Variants in CNTNAP2 observed in about 807,000 individuals in gnomAD.
CNTNAP2 encodes contactin-associated protein-like 2.
CNTNAP2 carries 98 observed loss-of-function variants against 155.2 expected under a neutral mutation model. The observed-to-expected ratio is 0.63, with a 90% confidence interval of 0.54 to 0.75. The LOEUF (loss-of-function observed/expected upper bound fraction) is 0.75. Among genes scored for constraint, CNTNAP2 ranks in the 30% least tolerant of loss-of-function variants. CNTNAP2 has a pLI of 0.00. For missense variants in CNTNAP2, 1,727 were observed against 1,688.1 expected (o/e 1.02, Z -0.40); for synonymous variants, 651 against 631.2 (o/e 1.03, Z -0.47).
At chr7:147,638,839 A>C (rs568952507) in intron 12 of CNTNAP2, 2 of 572,548 alleles carry the variant, frequency 3.5e-6, no homozygotes, top group East Asian at 3.6e-5. Flanking sequence ...AAGATACAAA[A>C]GCTTTTTTTT....
chr7:146,906,987 G>C (rs146343733), intron 3 of CNTNAP2, among the ~76,000 whole-genome samples: 162 of 148,344 alleles, frequency 1.1e-3, no homozygotes, highest in African/African-American at 3.9e-3. Context: ...ACCAAGGCTC[G>C]AGAACTACGT....
intron 1 of CNTNAP2, among the ~76,000 whole-genome samples, chr7:146,678,412 A>G (rs1365341757): frequency 6.6e-6 from 1 of 152,164 alleles, no homozygotes; most frequent in Non-Finnish European, 1.5e-5. Flanking sequence ...GATATTTATA[A>G]TTTTCAAATG....
chr7:147,267,255 G>T (rs1804633337), intron 8 of CNTNAP2, among the ~76,000 whole-genome samples: 1 of 152,092 alleles, frequency 6.6e-6, no homozygotes, highest in Non-Finnish European at 1.5e-5. Flanking sequence ...TATCTGCATT[G>T]CATAGCCCTG....
At chr7:146,189,527 C>A (rs1441220344) in intron 1 of CNTNAP2, among the ~76,000 whole-genome samples, 1 of 152,098 alleles carries the variant, frequency 6.6e-6, no homozygotes, top group Non-Finnish European at 1.5e-5. Flanking sequence ...ACTAATGGGG[C>A]ATCTTAGAGA....
chr7:147,247,037 T>G (rs1319624203), intron 8 of CNTNAP2, among the ~76,000 whole-genome samples: 1 of 152,214 alleles, frequency 6.6e-6, no homozygotes, highest in Non-Finnish European at 1.5e-5. Flanking sequence ...AGTCTCTACT[T>G]CAGTCCCTGT....
chr7:146,379,764 T>C (rs1006816281), intron 1 of CNTNAP2, among the ~76,000 whole-genome samples: 2 of 152,192 alleles, frequency 1.3e-5, no homozygotes, highest in Non-Finnish European at 2.9e-5. Flanking sequence ...TTGGGATTCT[T>C]CTTTCTATAG....
intron 21 of CNTNAP2, among the ~76,000 whole-genome samples, chr7:148,367,829 T>C (rs1798813838): frequency 6.6e-6 from 1 of 152,094 alleles, no homozygotes; most frequent in Admixed American, 6.6e-5. Flanking sequence ...GAAAATGTAT[T>C]TTCTTCGAGG....
chr7:147,930,408 G>A (rs948864780), intron 14 of CNTNAP2, among the ~76,000 whole-genome samples: 5 of 152,078 alleles, frequency 3.3e-5, no homozygotes, highest in African/African-American at 7.2e-5. Flanking sequence ...TATGCAAATG[G>A]CAACCAAAAG....
intron 3 of CNTNAP2, among the ~76,000 whole-genome samples, chr7:146,881,702 AC>A (rs1476519731): frequency 6.7e-6 from 1 of 149,876 alleles, no homozygotes; most frequent in Non-Finnish European, 1.5e-5. Context: ...TACAAGTTTT[AC>A]CCCCAAGAGT....
chr7:147,521,500 C>T (rs372902273), intron 11 of CNTNAP2, among the ~76,000 whole-genome samples: 2 of 152,186 alleles, frequency 1.3e-5, no homozygotes, highest in Non-Finnish European at 2.9e-5. Context: ...AATCCCATTC[C>T]GTGGAAGTCT....
At chr7:146,737,593 A>G (rs965312912) in intron 1 of CNTNAP2, among the ~76,000 whole-genome samples, 8 of 152,108 alleles carry the variant, frequency 5.3e-5, no homozygotes, top group African/African-American at 1.7e-4. Flanking sequence ...TACGCTTATA[A>G]CTTATGTGTA....
intron 1 of CNTNAP2, among the ~76,000 whole-genome samples, chr7:146,261,891 T>G (rs909593231): frequency 1.3e-5 from 2 of 152,184 alleles, no homozygotes; most frequent in Admixed American, 6.5e-5. Context: ...AAACCAATGA[T>G]TCTATGGATA....
intron 1 of CNTNAP2, among the ~76,000 whole-genome samples, chr7:146,731,711 T>C (rs1461386298): frequency 6.6e-6 from 1 of 152,182 alleles, no homozygotes; most frequent in African/African-American, 2.4e-5. Flanking sequence ...AAGTGTGTTT[T>C]TAACGTATAA....
At chr7:146,822,299 C>T (rs1803301971) in intron 2 of CNTNAP2, among the ~76,000 whole-genome samples, 1 of 151,940 alleles carries the variant, frequency 6.6e-6, no homozygotes, top group East Asian at 1.9e-4. Flanking sequence ...GGAAGGGGAA[C>T]ATCACACTCT....
chr7:147,589,570 A>T (rs574860691), intron 12 of CNTNAP2, among the ~76,000 whole-genome samples: 1 of 152,244 alleles, frequency 6.6e-6, no homozygotes, highest in South Asian at 2.1e-4. Context: ...TGTATGTCTT[A>T]AAAATATATT....
Position 148,177,001 on chromosome 7 carries a change from CT to C in CNTNAP2, c.3010+4527del, listed in dbSNP as rs577483199. On this transcript the variant is annotated intron_variant, in intron 18 of 23. Coordinates refer to ENST00000361727, the MANE Select transcript of CNTNAP2 (RefSeq NM_014141.6). Reference sequence around the variant, plus strand: ...AAGAATTCTATAATTATCAATGTCACTTTTATTACTAACCAGAAATTAGAGA... The same window carrying C: ...AAGAATTCTATAATTATCAATGTCACTTTATTACTAACCAGAAATTAGAGA... 3.9e-5 allele frequency among the ~76,000 whole-genome samples: 6 copies of C among 152,320 alleles called. No individual in the cohort carries two copies. In the East Asian group the frequency reaches 1.2e-3, roughly 29 times the overall value.
At chr7:146,664,259 T>C (rs930178224) in intron 1 of CNTNAP2, among the ~76,000 whole-genome samples, 12 of 147,112 alleles carry the variant, frequency 8.2e-5, no homozygotes, top group African/African-American at 3.0e-4. Flanking sequence ...CCTCCGGAGT[T>C]CAAGTGATTC....
chr7:147,157,184 G>A (rs1801942067), intron 8 of CNTNAP2, among the ~76,000 whole-genome samples: 1 of 151,960 alleles, frequency 6.6e-6, no homozygotes, highest in African/African-American at 2.4e-5. Flanking sequence ...CACCCTCCAG[G>A]TCCCCAAAAT....
rs530507672 is a variant in CNTNAP2 at position 146,450,544 on chromosome 7, A to T, written c.98-323727A>T. Among the ~76,000 whole-genome samples, 272 of 152,248 alleles carry T rather than the reference A, an allele frequency of 1.8e-3. 1 individual carries two copies. The highest frequency in any genetic ancestry group is 5.8e-3 in the African/African-American group (240 of 41,540). ...TAGTTTTGTTTTCCTTAAGATTCGA[A>T]ACAGACTTCTAAGAGCATACAAAAA... On this transcript the variant is annotated intron_variant, in intron 1 of 23. Transcript: ENST00000361727.
Sources: allele counts gnomAD v4.1 joint callset (sites outside exome capture counted in the v4.1 genomes callset), GRCh38; gene constraint gnomAD v4.1.1; transcripts MANE v1.5; gene names NCBI Gene and HGNC (gene_info 2026-07-23, HGNC 2026-07-21).